NXT1: variants seen among roughly 807,000 people sequenced by gnomAD.
NXT1 encodes nuclear transport factor 2 like export factor 1.
In NXT1, 3 loss-of-function variants were observed where a neutral mutation model predicts 9.9. The observed-to-expected ratio is 0.30, with a 90% CI of 0.14 to 0.79. NXT1 has a LOEUF of 0.79. Ranked by LOEUF, NXT1 falls within the 30% of genes least tolerant of loss-of-function variation. The probability of loss-of-function intolerance (pLI) is 0.63; values close to 1 mark genes in which losing one functional copy is unlikely to be tolerated. For missense variants in NXT1, 91 were observed against 178.2 expected (o/e 0.51, Z 2.79); for synonymous variants, 53 against 66.5 (o/e 0.80, Z 0.99).
In NXT1 at chr20:23,354,492, A is replaced by T; in HGVS notation, c.*28A>T. 6.3e-7 allele frequency: 1 copy of T among 1,597,528 alleles called. No individual in the cohort carries two copies. ...GGGGTGGCAGAGGTCTCTTTGCTTCATTCAGCCCTAGCTCTGTAGAGAAAT... is the reference window on the plus strand; with the variant it reads ...GGGGTGGCAGAGGTCTCTTTGCTTCTTTCAGCCCTAGCTCTGTAGAGAAAT... On this transcript the variant is annotated 3_prime_UTR_variant, in exon 2 of 2. Coordinates refer to ENST00000254998, the MANE Select transcript of NXT1 (RefSeq NM_013248.3).
chr20:23,353,911 A>G (rs1980337163), intron 1 of NXT1, 70 bp from the exon 2 acceptor site: 1 of 845,168 alleles, frequency 1.2e-6, no homozygotes, highest in Non-Finnish European at 1.9e-6. Context: ...AAAAGGAGGA[A>G]TGTTCCATTG....
In NXT1 at chr20:23,354,318, G is replaced by T. The variant is rs1980349822; in HGVS notation, c.277G>T (p.Val93Phe). ...EATPSQTTVL[V>F]VICGSVKFEG... is the part of the protein sequence containing the mutation. ...CACACCAAGCCAGACCACGGTCCTT[G>T]TTGTCATCTGTGGATCAGTGAAGTT... Residue 93 changes from valine to phenylalanine, a missense_variant, in exon 2 of 2, where the codon GTT becomes TTT. By Grantham distance (50) the Val-to-Phe change is conservative. Coordinates refer to ENST00000254998, the MANE Select transcript of NXT1 (RefSeq NM_013248.3). 1 of 1,614,080 alleles carries T rather than the reference G, an allele frequency of 6.2e-7. No individual in the cohort carries two copies. The highest frequency in any genetic ancestry group is 1.3e-5 in the African/African-American group (1 of 74,936).
rs944964195 is a variant in NXT1, at chr20:23,354,590, C to G, written c.*126C>G. 2.7e-6 allele frequency: 3 copies of G among 1,109,134 alleles called. No homozygotes were observed. Among genetic ancestry groups the G allele is most frequent in the Non-Finnish European group, 3.8e-6 (3 of 787,366 alleles). The allele number at this position is 1,109,134 out of a possible 1,614,324, so 68.7% of individuals were successfully genotyped here. On this transcript the variant is annotated 3_prime_UTR_variant, in exon 2 of 2. Coordinates refer to ENST00000254998, the MANE Select transcript of NXT1 (RefSeq NM_013248.3). ...TGTTGCGGAGACACTGCAGACTCCACTGTGCCGAGGTTGAACTCTTTTTTG... is the reference window on the plus strand; with the variant it reads ...TGTTGCGGAGACACTGCAGACTCCAGTGTGCCGAGGTTGAACTCTTTTTTG...
At position 23,354,314 on chromosome 20, in the gene NXT1, C is replaced by A. The variant is rs2018202665; in HGVS notation, c.273C>A (p.Val91=). ...AAGCCACACCAAGCCAGACCACGGT[C>A]CTTGTTGTCATCTGTGGATCAGTGA... ...HDEATPSQTT[V]LVVICGSVKF... The change falls in exon 2 of 2, where the codon GTC becomes GTA. Residue 91 remains valine, a synonymous_variant. Coordinates refer to ENST00000254998, the MANE Select transcript of NXT1 (RefSeq NM_013248.3). 6.2e-7 allele frequency: 1 copy of A among 1,614,194 alleles called. No individual in the cohort carries two copies. The highest frequency in any genetic ancestry group is 1.7e-5 in the Admixed American group (1 of 60,020).
At position 23,354,200 on chromosome 20, in the gene NXT1, A is replaced by C; in HGVS notation, c.159A>C (p.Ser53=). ...ATLVWNGNAV[S]GQESLSEFFE... is the part of the protein sequence containing the mutation. ...TGGTCTGGAATGGCAATGCTGTTTC[A>C]GGACAAGAATCCTTGAGTGAGTTTT... Residue 53 remains serine, a synonymous_variant, in exon 2 of 2, where the codon TCA becomes TCC. Coordinates refer to ENST00000254998, the MANE Select transcript of NXT1 (RefSeq NM_013248.3). 6.2e-7 allele frequency: 1 copy of C among 1,614,248 alleles called. No homozygotes were observed. Among genetic ancestry groups the C allele is most frequent in the Non-Finnish European group, 8.5e-7 (1 of 1,180,044 alleles).
chr20:23,354,139 G>A lies in NXT1; in HGVS notation c.98G>A (p.Arg33His), dbSNP rs1175244495. 6.2e-6 allele frequency: 10 copies of A among 1,614,136 alleles called. No individual in the cohort carries two copies. The highest frequency in any genetic ancestry group is 1.3e-5 in the African/African-American group (1 of 75,026). ...TACACCACCATGGATAAGCGGCGGC[G>A]TTTGCTGTCCCGCCTGTACATGGGC... ...VYYTTMDKRR[R>H]LLSRLYMGTA... Residue 33 changes from arginine to histidine, a missense_variant, in exon 2 of 2, where the codon CGT becomes CAT. Arg to His is a conservative substitution (Grantham distance 29). Coordinates refer to ENST00000254998, the MANE Select transcript of NXT1 (RefSeq NM_013248.3).
At position 23,350,827 on chromosome 20, in the gene NXT1, G is replaced by C. The variant is rs936646331; in HGVS notation, c.-296G>C. On this transcript the variant is annotated 5_prime_UTR_variant, in exon 1 of 2. Coordinates refer to ENST00000254998, the MANE Select transcript of NXT1 (RefSeq NM_013248.3). ...GAGACCGGCTGGCCGCGCGCGGGAA[G>C]CCGCGGAACTGCGCCGGAAAGTCCC... 5.3e-5 allele frequency: 8 copies of C among 152,232 alleles called. No individual in the cohort carries two copies. Among genetic ancestry groups the C allele is most frequent in the Non-Finnish European group, 1.2e-4 (8 of 68,060 alleles). 9.4% of individuals were successfully genotyped at this position (152,232 alleles called of 1,614,324 possible).
intron 1 of NXT1, among the ~76,000 whole-genome samples, chr20:23,352,753 C>G (rs1980308600): frequency 6.6e-6 from 1 of 152,066 alleles, no homozygotes; most frequent in Non-Finnish European, 1.5e-5. Context: ...AGCTATAGTT[C>G]ATATTCTGTG....
chr20:23,352,701 A>T (rs1445259517), intron 1 of NXT1, among the ~76,000 whole-genome samples: 2 of 152,242 alleles, frequency 1.3e-5, no homozygotes, highest in East Asian at 3.9e-4. Flanking sequence ...AATTTTTTAA[A>T]TGCTTTTGGA....
At position 23,354,324 on chromosome 20, in the gene NXT1, A is replaced by C. The variant is rs1339265731; in HGVS notation, c.283A>C (p.Ile95Leu). The C allele has an allele frequency of 6.2e-7, 1 of 1,614,074 alleles. No individual in the cohort carries two copies. The highest frequency in any genetic ancestry group is 8.5e-7 in the Non-Finnish European group (1 of 1,180,038). Residue 95 changes from isoleucine to leucine, a missense_variant, in exon 2 of 2, where the codon ATC (isoleucine) becomes CTC (leucine). Transcript: ENST00000254998. ...TPSQTTVLVVICGSVKFEGNK... is the reference protein window; with the variant it reads ...TPSQTTVLVVLCGSVKFEGNK... Reference sequence around the variant, plus strand: ...AAGCCAGACCACGGTCCTTGTTGTCATCTGTGGATCAGTGAAGTTTGAGGG... The same window carrying C: ...AAGCCAGACCACGGTCCTTGTTGTCCTCTGTGGATCAGTGAAGTTTGAGGG...
Position 23,350,799 on chromosome 20 carries a change from G to T in NXT1, c.-324G>T, listed in dbSNP as rs1274855805. On this transcript the variant is annotated 5_prime_UTR_variant, in exon 1 of 2. Transcript: ENST00000254998. ...GCGGCGCCGGGGCGCTCGCGTCTGC[G>T]TGGAGACCGGCTGGCCGCGCGCGGG... 6.6e-6 allele frequency: 1 copy of T among 152,258 alleles called. No homozygotes were observed. 9.4% of individuals were successfully genotyped at this position (152,258 alleles called of 1,614,324 possible).
At chr20:23,353,378 G>C (rs182739017) in intron 1 of NXT1, among the ~76,000 whole-genome samples, 436 of 152,308 alleles carry the variant, frequency 2.9e-3, no homozygotes, top group Non-Finnish European at 4.7e-3. Context: ...CCAGCACTTT[G>C]GGGGGCCGAG....
At chr20:23,351,370 A>G (rs544663511) in intron 1 of NXT1, 1 of 152,342 alleles carries the variant, frequency 6.6e-6, no homozygotes, top group Admixed American at 6.5e-5. Flanking sequence ...TTTCCCGTCC[A>G]TCTCCGGACA....
chr20:23,354,010 C>A lies in NXT1; in HGVS notation c.-32C>A, dbSNP rs770035471. On this transcript the variant is annotated 5_prime_UTR_variant, in exon 2 of 2. Transcript: ENST00000254998. ...TGGTTCCCCAAGGCAGAGGAAATAC[C>A]CTGGTGGAGCCCTCCTTCCATAGAA... is the stretch of plus-strand genomic sequence containing the variant. 1.3e-5 allele frequency: 20 copies of A among 1,595,892 alleles called. 2 individuals are homozygous for A. In the South Asian group the frequency reaches 2.1e-4, roughly 17 times the overall value.
chr20:23,353,725 A>G (rs1980333176), intron 1 of NXT1, among the ~76,000 whole-genome samples: 1 of 152,202 alleles, frequency 6.6e-6, no homozygotes, highest in Non-Finnish European at 1.5e-5. Flanking sequence ...GCTGACTATA[A>G]CTAAATGTTT....
rs1980345591 is a variant in NXT1, at chr20:23,354,161, G to T, written c.120G>T (p.Met40Ile). The change falls in exon 2 of 2, where the codon ATG becomes ATT. Residue 40 changes from methionine (M) to isoleucine (I), a missense_variant. Transcript: ENST00000254998. The stretch of plus-strand genomic sequence containing the variant: ...GGCGTTTGCTGTCCCGCCTGTACAT[G>T]GGCACAGCCACCCTGGTCTGGAATG... The part of the protein sequence containing the change: ...KRRRLLSRLY[M>I]GTATLVWNGN... 6.2e-7 allele frequency: 1 copy of T among 1,614,068 alleles called. No individual in the cohort carries two copies. The highest frequency in any genetic ancestry group is 1.1e-5 in the South Asian group (1 of 91,090).
chr20:23,351,722 T>C (rs1353707794), intron 1 of NXT1, among the ~76,000 whole-genome samples: 1 of 152,016 alleles, frequency 6.6e-6, no homozygotes, highest in Non-Finnish European at 1.5e-5. Flanking sequence ...AGTCCTGGAG[T>C]TGTGCTCATG....
intron 1 of NXT1, among the ~76,000 whole-genome samples, chr20:23,351,745 C>G (rs1362991779): frequency 6.6e-6 from 1 of 152,204 alleles, no homozygotes; most frequent in South Asian, 2.1e-4. Flanking sequence ...GACTTGCTTA[C>G]GCGAGTACAA....
intron 1 of NXT1, among the ~76,000 whole-genome samples, chr20:23,352,802 C>T (rs943314687): frequency 2.0e-5 from 3 of 152,156 alleles, no homozygotes; most frequent in Admixed American, 6.5e-5. Flanking sequence ...ACATGCCTTT[C>T]TGTGGAGGCA....
Sources: gnomAD v4.1 joint callset for allele counts (sites outside exome capture counted in the v4.1 genomes callset) on GRCh38, gnomAD v4.1.1 for gene constraint, MANE v1.5 for transcripts, NCBI Gene and HGNC (gene_info 2026-07-23, HGNC 2026-07-21) for gene names.